CAST: variants seen among roughly 807,000 people sequenced by gnomAD.
CAST encodes the protein calpastatin, also known as MIR583 host.
In CAST, 76 loss-of-function variants were observed where a neutral mutation model predicts 119.6. The ratio of observed to expected loss-of-function variants is 0.64; its 90% CI spans 0.53 to 0.77. The LOEUF (loss-of-function observed/expected upper bound fraction) is 0.77, where lower values mean the gene tolerates loss of function less well. Ranked by LOEUF, CAST falls within the 30% of genes least tolerant of loss-of-function variation. The probability of loss-of-function intolerance (pLI) is 0.00; values close to 1 mark genes in which losing one functional copy is unlikely to be tolerated. For missense variants in CAST, 953 were observed against 946.5 expected (o/e 1.01, Z -0.09); for synonymous variants, 319 against 331.6 (o/e 0.96, Z 0.41).
chr5:96,203,187 T>G, the CAST span, among the ~76,000 whole-genome samples: 1 of 151,984 alleles, frequency 6.6e-6, no homozygotes, highest in African/African-American at 2.4e-5. Flanking sequence ...CCTTTCCACA[T>G]ATGCCCTTAA....
chr5:96,223,110 GA>G, the CAST span, among the ~76,000 whole-genome samples: 7 of 152,110 alleles, frequency 4.6e-5, no homozygotes, highest in East Asian at 1.4e-3. Flanking sequence ...CAGAGGCTGA[GA>G]AAGGGTGTGA....
chr5:96,551,725 T>C (rs1746130265), intron 1 of CAST, among the ~76,000 whole-genome samples: 1 of 151,682 alleles, frequency 6.6e-6, no homozygotes, highest in South Asian at 2.1e-4. Flanking sequence ...TGGAGAAAGA[T>C]CTACCAAGAA....
At chr5:96,023,028 T>A in the CAST span, among the ~76,000 whole-genome samples, 1 of 152,180 alleles carries the variant, frequency 6.6e-6, no homozygotes. Flanking sequence ...CATGGTTACC[T>A]ATGTGGTAAC....
chr5:96,630,430 T>C (rs898759860), intron 1 of CAST, among the ~76,000 whole-genome samples: 2 of 152,200 alleles, frequency 1.3e-5, no homozygotes, highest in African/African-American at 4.8e-5. Context: ...AAGTTACTTC[T>C]GAGCTAAGCA....
chr5:96,134,185 A>T, the CAST span, among the ~76,000 whole-genome samples: 2 of 152,224 alleles, frequency 1.3e-5, no homozygotes, highest in East Asian at 1.9e-4. Context: ...AAATGTGCTC[A>T]TGTGAATTTT....
the CAST span, among the ~76,000 whole-genome samples, chr5:96,143,018 G>A: frequency 6.6e-6 from 1 of 152,052 alleles, no homozygotes; most frequent in African/African-American, 2.4e-5. Flanking sequence ...CAGATTCTTG[G>A]GAAAATCACT....
At chr5:96,246,209 G>A in the CAST span, among the ~76,000 whole-genome samples, 1 of 1,594 alleles carries the variant, frequency 6.3e-4, no homozygotes, top group African/African-American at 7.0e-4. Flanking sequence ...TTGAGACGGA[G>A]TCTTGCTCTG....
chr5:96,501,580 G>A, the CAST span, among the ~76,000 whole-genome samples: 3 of 152,106 alleles, frequency 2.0e-5, no homozygotes, highest in African/African-American at 7.2e-5. Context: ...ATTGACCAGA[G>A]GAAAATGTGT....
chr5:96,499,367 A>G, the CAST span, among the ~76,000 whole-genome samples: 1,683 of 152,350 alleles, frequency 0.011, 37 homozygotes, highest in African/African-American at 0.039. Flanking sequence ...ATAAAGTTAT[A>G]TTTGCACTAT....
chr5:96,478,785 C>A, the CAST span, among the ~76,000 whole-genome samples: 10,862 of 152,228 alleles, frequency 0.071, 871 homozygotes, highest in East Asian at 0.42. Context: ...GAAGGGTCTG[C>A]ACCCTCCAGA....
Position 96,665,187 on chromosome 5 carries a change from T to G in CAST, c.75+2690T>G, listed in dbSNP as rs1289189443. On this transcript the variant is annotated intron_variant, in intron 1 of 31. Coordinates refer to ENST00000675179, the MANE Select transcript of CAST (RefSeq NM_001750.7). ...GCTTTAGCTTTGCCCAAACCAGTGC[T>G]ATTCAATAGAAACATAATGTGAGCC... 7.9e-5 allele frequency among the ~76,000 whole-genome samples: 12 copies of G among 152,206 alleles called. 1 individual carries two copies. The highest frequency in any genetic ancestry group is 7.9e-4 in the Admixed American group (12 of 15,286).
chr5:96,364,667 A>T, the CAST span, among the ~76,000 whole-genome samples: 1 of 152,056 alleles, frequency 6.6e-6, no homozygotes, highest in Non-Finnish European at 1.5e-5. Flanking sequence ...ATTGGTGGTG[A>T]TATCCCCTTT....
chr5:96,280,997 T>G, the CAST span, among the ~76,000 whole-genome samples: 1 of 152,180 alleles, frequency 6.6e-6, no homozygotes, highest in African/African-American at 2.4e-5. Flanking sequence ...AGAAACAATA[T>G]GCCCATGGCA....
the CAST span, among the ~76,000 whole-genome samples, chr5:96,301,809 CT>C: frequency 6.6e-6 from 1 of 152,240 alleles, no homozygotes; most frequent in Non-Finnish European, 1.5e-5. Flanking sequence ...CCTGTAGCTG[CT>C]TTCATGGACT....
the CAST span, among the ~76,000 whole-genome samples, chr5:96,288,865 T>C: frequency 6.6e-6 from 1 of 151,280 alleles, no homozygotes; most frequent in Admixed American, 6.6e-5. Context: ...CTAGATGAGG[T>C]TGAGGAAATA....
At chr5:96,178,581 G>T in the CAST span, among the ~76,000 whole-genome samples, 1 of 152,278 alleles carries the variant, frequency 6.6e-6, no homozygotes, top group East Asian at 1.9e-4. Flanking sequence ...GGGGTGATGG[G>T]CTCTAGTCTT....
At chr5:96,248,626 T>C in the CAST span, among the ~76,000 whole-genome samples, 1 of 152,220 alleles carries the variant, frequency 6.6e-6, no homozygotes, top group South Asian at 2.1e-4. Flanking sequence ...TGTTGTAATG[T>C]CAGTAACTTT....
chr5:96,747,828 G>A (rs755789211), intron 18 of CAST, among the ~76,000 whole-genome samples: 5 of 152,040 alleles, frequency 3.3e-5, no homozygotes, highest in Non-Finnish European at 7.4e-5. Flanking sequence ...TTATCTTTGT[G>A]AGTCCTCAAT....
chr5:96,586,059 T>C (rs1241203550), intron 1 of CAST, among the ~76,000 whole-genome samples: 1 of 152,212 alleles, frequency 6.6e-6, no homozygotes. Context: ...CTTACATATA[T>C]TGTCTCATTT....
Sources: gnomAD v4.1 joint callset for allele counts (sites outside exome capture counted in the v4.1 genomes callset) on GRCh38, gnomAD v4.1.1 for gene constraint, MANE v1.5 for transcripts, NCBI Gene and HGNC (gene_info 2026-07-23, HGNC 2026-07-21) for gene names.